The following ZNF516 variants were observed in gnomAD, a reference collection of about 807,000 sequenced individuals.
ZNF516 encodes the protein zinc finger protein 516.
ZNF516 carries 19 observed loss-of-function variants against 79.7 expected under a neutral mutation model. That is an observed-to-expected ratio of 0.24 (90% CI 0.17 to 0.35). The LOEUF (loss-of-function observed/expected upper bound fraction) is 0.35, where lower values mean the gene tolerates loss of function less well. ZNF516 is among the 10% of genes least tolerant of loss of function. The probability of loss-of-function intolerance (pLI) is 1.00; values close to 1 mark genes in which losing one functional copy is unlikely to be tolerated. For missense variants in ZNF516, 1,678 were observed against 1,679.5 expected (o/e 1.00, Z 0.02); for synonymous variants, 877 against 739.5 (o/e 1.19, Z -3.02).
chr18:76,490,940 T>A, intron 1 of ZNF516: 1 of 985,298 alleles, frequency 1.0e-6, no homozygotes. Flanking sequence ...GCGGAGACAC[T>A]GTGAGGTCAC....
intron 1 of ZNF516, among the ~76,000 whole-genome samples, chr18:76,484,401 A>G (rs1315079178): frequency 2.6e-5 from 4 of 152,326 alleles, no homozygotes; most frequent in African/African-American, 9.6e-5. Flanking sequence ...AGAAACATAA[A>G]CAATCACGAA....
chr18:76,459,522 C>T lies in ZNF516; in HGVS notation c.-158+3506G>A, dbSNP rs557980376. Among the ~76,000 whole-genome samples the T allele has an allele frequency of 1.1e-3, 160 of 152,342 alleles. No individual in the cohort carries two copies. Among genetic ancestry groups the T allele is most frequent in the Middle Eastern group, 6.8e-3 (2 of 294 alleles). ...TTCAGGACGTGGCGGCCGTGTGCAC[C>T]CCATCGGGCACCGCGTCGCCTCCCT... is the stretch of plus-strand genomic sequence containing the variant. On this transcript the variant is annotated intron_variant, in intron 2 of 6. Coordinates refer to ENST00000443185, the MANE Select transcript of ZNF516 (RefSeq NM_014643.4). This position sits in a 1 kb window ranked among gnomAD's most constrained non-coding sequence, Gnocchi z 5.0.
chr18:76,462,307 C>A (rs1417907160), intron 2 of ZNF516, among the ~76,000 whole-genome samples: 3 of 152,132 alleles, frequency 2.0e-5, no homozygotes, highest in African/African-American at 7.2e-5. Context: ...CAAATGATGA[C>A]CCAATCGATT....
chr18:76,420,488 G>A (rs1487359874), intron 3 of ZNF516, among the ~76,000 whole-genome samples: 1 of 152,090 alleles, frequency 6.6e-6, no homozygotes. Context: ...AGTCAACCAC[G>A]CTGCTCATTT....
intron 6 of ZNF516, among the ~76,000 whole-genome samples, chr18:76,369,317 G>A (rs690378): frequency 0.79 from 119,671 of 152,132 alleles, 49,101 homozygotes; most frequent in Middle Eastern, 0.92. Flanking sequence ...AAAGGCAGAA[G>A]CTAATTATTT....
At chr18:76,404,351 ATAC>A (rs199758904) in intron 3 of ZNF516, among the ~76,000 whole-genome samples, 1,588 of 5,730 alleles carry the variant, frequency 0.28, 31 homozygotes, top group African/African-American at 0.34. Flanking sequence ...GTGAGTGCAT[ATAC>A]TACGTGTAAT....
intron 1 of ZNF516, among the ~76,000 whole-genome samples, chr18:76,475,350 G>A (rs749920632): frequency 4.7e-4 from 71 of 152,244 alleles, no homozygotes; most frequent in Non-Finnish European, 9.3e-4. Flanking sequence ...AGACTTAAAC[G>A]ACTGATAATA....
rs536235751 is a variant in ZNF516 at position 76,448,144 on chromosome 18, G to A, written c.-157-4933C>T. ...GGACAAAATATAAAGTAGAAAATAT[G>A]TAGCTACATTTTAAAACTAACCATG... On this transcript the variant is annotated intron_variant, in intron 2 of 6. Coordinates refer to ENST00000443185, the MANE Select transcript of ZNF516 (RefSeq NM_014643.4). Among the ~76,000 whole-genome samples the A allele has an allele frequency of 3.3e-5, 5 of 152,282 alleles. No individual in the cohort carries two copies. The East Asian group carries it at 9.6e-4, about 29-fold the overall frequency.
chr18:76,490,239 CCT>C (rs1449302759), intron 1 of ZNF516: 7 of 981,074 alleles, frequency 7.1e-6, no homozygotes, highest in African/African-American at 3.5e-5. Context: ...CTCTCAAACC[CCT>C]GACACCACGG....
At position 76,484,761 on chromosome 18, in the gene ZNF516, T is replaced by C. The variant is rs143681719; in HGVS notation, c.-272+10383A>G. ...CTAACTGTAATAACTTTCTTTTTAATCAATACCTATACTTTAAAATATGTA... is the reference window on the plus strand; with the variant it reads ...CTAACTGTAATAACTTTCTTTTTAACCAATACCTATACTTTAAAATATGTA... On this transcript the variant is annotated intron_variant, in intron 1 of 6. Coordinates refer to ENST00000443185, the MANE Select transcript of ZNF516 (RefSeq NM_014643.4). Among the ~76,000 whole-genome samples the C allele has an allele frequency of 6.6e-5, 10 of 152,358 alleles. No individual in the cohort carries two copies. In the East Asian group the frequency reaches 1.9e-3, roughly 29 times the overall value.
intron 3 of ZNF516, among the ~76,000 whole-genome samples, chr18:76,404,708 T>C (rs368946270): frequency 0.01 from 1,526 of 148,184 alleles, 31 homozygotes; most frequent in African/African-American, 0.035. Context: ...AGCATGAGCA[T>C]ATGCACGTGT....
Position 76,384,534 on chromosome 18 carries a change from C to G in ZNF516, c.1811-4231G>C, listed in dbSNP as rs533717163. 3.4e-3 allele frequency among the ~76,000 whole-genome samples: 493 copies of G among 144,226 alleles called. 3 individuals are homozygous for G. The highest frequency in any genetic ancestry group is 5.3e-3 in the Non-Finnish European group (344 of 65,428). 94.6% of individuals were successfully genotyped at this position (144,226 alleles called of 152,430 possible). A position where few individuals can be genotyped will look rare whatever the true frequency, so the allele number is the denominator to read the frequency against. ...CAGTTCTCACGCCCCCTCCACGAAC[C>G]CCACGCCCCCTCTGTGGTTCCACAC... On this transcript the variant is annotated intron_variant, in intron 3 of 6. Coordinates refer to ENST00000443185, the MANE Select transcript of ZNF516 (RefSeq NM_014643.4).
In ZNF516 at chr18:76,430,590, T is replaced by G. The variant is rs1273968893; in HGVS notation, c.1810+10655A>C. On this transcript the variant is annotated intron_variant, in intron 3 of 6. Coordinates refer to ENST00000443185, the MANE Select transcript of ZNF516 (RefSeq NM_014643.4). The stretch of plus-strand genomic sequence containing the variant: ...TCTCCATCAGGTTTCAGATATGAGA[T>G]TCAAGCATGTATGTAAGTTTTCTAT... Among the ~76,000 whole-genome samples the G allele has an allele frequency of 2.0e-5, 3 of 152,368 alleles. No individual in the cohort carries two copies. The East Asian group carries it at 5.8e-4, about 29-fold the overall frequency.
intron 4 of ZNF516, among the ~76,000 whole-genome samples, chr18:76,374,474 GT>G (rs1041787723): frequency 6.6e-6 from 1 of 152,190 alleles, no homozygotes; most frequent in African/African-American, 2.4e-5. Context: ...TTTGGGTAGA[GT>G]TTTTAGACTC....
chr18:76,417,876 CTT>C lies in ZNF516; in HGVS notation c.1810+23367_1810+23368del, dbSNP rs893382896. ...ATATACAAAATGCAAAAGAGTGTCACTTATTAAATGTGAGATTCCACAATTTT... is the reference window on the plus strand; with the variant it reads ...ATATACAAAATGCAAAAGAGTGTCACATTAAATGTGAGATTCCACAATTTT... On this transcript the variant is annotated intron_variant, in intron 3 of 6. Transcript: ENST00000443185. Among the ~76,000 whole-genome samples the C allele has an allele frequency of 7.2e-4, 109 of 152,298 alleles. 1 individual carries two copies. The highest frequency in any genetic ancestry group is 2.4e-3 in the African/African-American group (99 of 41,550).
At chr18:76,443,317 A>C in intron 2 of ZNF516, 106 bp from the exon 3 acceptor site, 1 of 462,482 alleles carries the variant, frequency 2.2e-6, no homozygotes, top group Non-Finnish European at 3.8e-6. Flanking sequence ...TCCAACCCAC[A>C]TTAAGAAAAG....
At position 76,359,386 on chromosome 18, in the gene ZNF516, G is replaced by C. The variant is rs1278774865; in HGVS notation, c.*3112C>G. ...ACCTTCCAGGGAACCAGGCAGAAAGGTGGGCAGGTACAGTGGCCAATTTCC... is the reference window on the plus strand; with the variant it reads ...ACCTTCCAGGGAACCAGGCAGAAAGCTGGGCAGGTACAGTGGCCAATTTCC... On this transcript the variant is annotated 3_prime_UTR_variant, in exon 7 of 7. Transcript: ENST00000443185. 1.3e-5 allele frequency: 2 copies of C among 152,290 alleles called. No individual in the cohort carries two copies. The highest frequency in any genetic ancestry group is 2.1e-4 in the South Asian group (1 of 4,826). 9.4% of individuals were successfully genotyped at this position (152,290 alleles called of 1,614,324 possible).
intron 2 of ZNF516, among the ~76,000 whole-genome samples, chr18:76,453,046 A>G (rs1040521682): frequency 6.6e-6 from 1 of 152,174 alleles, no homozygotes; most frequent in Non-Finnish European, 1.5e-5. Flanking sequence ...GTTACTTGTC[A>G]TTTACTATTT....
chr18:76,477,207 T>C (rs1052338948), intron 1 of ZNF516, among the ~76,000 whole-genome samples: 3 of 152,202 alleles, frequency 2.0e-5, no homozygotes, highest in African/African-American at 2.4e-5. Flanking sequence ...TGGTAAGTTT[T>C]CTGAACACTG....
Sources: allele counts gnomAD v4.1 joint callset (sites outside exome capture counted in the v4.1 genomes callset), GRCh38; gene constraint gnomAD v4.1.1; non-coding constraint Gnocchi (gnomAD v3.1); transcripts MANE v1.5; gene names NCBI Gene and HGNC (gene_info 2026-07-23, HGNC 2026-07-21).